The following ST6GALNAC5 variants were observed in gnomAD, a reference collection of about 807,000 sequenced individuals.
ST6GALNAC5 encodes ST6 N-acetylgalactosaminide alpha-2,6-sialyltransferase 5, also known as alpha-N-acetylgalactosaminide alpha-2,6-sialyltransferase 5.
ST6GALNAC5 carries 27 observed loss-of-function variants against 33.6 expected under a neutral mutation model. The ratio of observed to expected loss-of-function variants is 0.80; its 90% confidence interval spans 0.59 to 1.11. The LOEUF is 1.11. Among genes scored for constraint, ST6GALNAC5 ranks in the 50% least tolerant of loss-of-function variants. The pLI, the probability that ST6GALNAC5 is intolerant of heterozygous loss-of-function variation, is 0.00. For synonymous variants in ST6GALNAC5, 194 were observed against 171.2 expected (o/e 1.13, Z -1.04); for missense variants, 428 against 454.0 (o/e 0.94, Z 0.52).
At chr1:76,950,993 T>A (rs1182665797) in intron 2 of ST6GALNAC5, among the ~76,000 whole-genome samples, 2 of 150,680 alleles carry the variant, frequency 1.3e-5, no homozygotes, top group Non-Finnish European at 3.0e-5. Context: ...AAAAAAAAAA[T>A]AGAAAAGCCA....
chr1:76,903,571 AC>A (rs1272991123), intron 2 of ST6GALNAC5, among the ~76,000 whole-genome samples: 2 of 152,180 alleles, frequency 1.3e-5, no homozygotes, highest in Non-Finnish European at 2.9e-5. Flanking sequence ...GCTACAAAAA[AC>A]TTGTACACAA....
chr1:76,997,849 T>C (rs1413217486), intron 2 of ST6GALNAC5, among the ~76,000 whole-genome samples: 1 of 152,142 alleles, frequency 6.6e-6, no homozygotes, highest in African/African-American at 2.4e-5. Flanking sequence ...TTTGGCTCTG[T>C]GTTCCCACCC....
intron 2 of ST6GALNAC5, among the ~76,000 whole-genome samples, chr1:76,893,944 C>G (rs1654068155): frequency 6.6e-6 from 1 of 152,194 alleles, no homozygotes; most frequent in Non-Finnish European, 1.5e-5. Context: ...CAGGAATGAG[C>G]CACCGCGCCC....
intron 3 of ST6GALNAC5, among the ~76,000 whole-genome samples, chr1:77,049,659 C>A (rs568474033): frequency 6.6e-6 from 1 of 152,126 alleles, no homozygotes; most frequent in African/African-American, 2.4e-5. Context: ...TAAATATAAG[C>A]ATTCCTGTGG....
chr1:76,967,547 T>C lies in ST6GALNAC5; in HGVS notation c.262-76657T>C, dbSNP rs903983499. Among the ~76,000 whole-genome samples, 4 of 152,208 alleles carry C rather than the reference T, an allele frequency of 2.6e-5. No homozygotes were observed. In the East Asian group the frequency reaches 5.8e-4, roughly 22 times the overall value. ...TTCAAAAAATCAGCTCCTGAATTCA[T>C]TAATTTTTTGAAGGGTTTTTTGTGT... On this transcript the variant is annotated intron_variant, in intron 2 of 4. Transcript: ENST00000477717.
chr1:77,029,913 G>C (rs1651389813), intron 2 of ST6GALNAC5, among the ~76,000 whole-genome samples: 2 of 152,180 alleles, frequency 1.3e-5, no homozygotes, highest in South Asian at 4.1e-4. Context: ...AGCTTTTCTT[G>C]ATGACTTAGG....
chr1:76,889,639 G>C (rs528328412), intron 2 of ST6GALNAC5, among the ~76,000 whole-genome samples: 3 of 152,100 alleles, frequency 2.0e-5, no homozygotes, highest in Admixed American at 6.6e-5. Flanking sequence ...GTTTCTTTAA[G>C]TAAGTACATT....
chr1:76,977,125 G>A (rs1649042162), intron 2 of ST6GALNAC5, among the ~76,000 whole-genome samples: 1 of 151,822 alleles, frequency 6.6e-6, no homozygotes, highest in Non-Finnish European at 1.5e-5. Context: ...CTAATTTCCT[G>A]AAAGATATTT....
chr1:76,881,389 G>C (rs2100922836), intron 2 of ST6GALNAC5, among the ~76,000 whole-genome samples: 1 of 152,290 alleles, frequency 6.6e-6, no homozygotes, highest in Admixed American at 6.5e-5. Context: ...TCTCAGCATA[G>C]ACAGCCCATC....
chr1:76,946,616 A>G (rs551663110), intron 2 of ST6GALNAC5, among the ~76,000 whole-genome samples: 1 of 152,196 alleles, frequency 6.6e-6, no homozygotes, highest in South Asian at 2.1e-4. Flanking sequence ...CCCAAACCCA[A>G]ATTGCCTTAT....
At chr1:76,914,528 A>G (rs1403036980) in intron 2 of ST6GALNAC5, among the ~76,000 whole-genome samples, 3 of 152,198 alleles carry the variant, frequency 2.0e-5, no homozygotes, top group African/African-American at 7.2e-5. Flanking sequence ...GCCCTCAGAA[A>G]TAACACTGCA....
chr1:77,056,313 T>TAA (rs1652396859), intron 4 of ST6GALNAC5, among the ~76,000 whole-genome samples: 1 of 152,228 alleles, frequency 6.6e-6, no homozygotes, highest in Non-Finnish European at 1.5e-5. Flanking sequence ...GCTAAGTATT[T>TAA]AATCTCATTT....
At chr1:77,054,484 C>T (rs924418805) in intron 4 of ST6GALNAC5, among the ~76,000 whole-genome samples, 1 of 152,208 alleles carries the variant, frequency 6.6e-6, no homozygotes, top group Non-Finnish European at 1.5e-5. Flanking sequence ...ACTTTAACAA[C>T]CTCTGGTCTA....
intron 2 of ST6GALNAC5, among the ~76,000 whole-genome samples, chr1:76,959,395 C>T (rs1406096689): frequency 6.6e-6 from 1 of 152,186 alleles, no homozygotes; most frequent in Non-Finnish European, 1.5e-5. Context: ...ACATTTAACT[C>T]TTTCATTCTT....
At chr1:76,903,591 T>C (rs1646837877) in intron 2 of ST6GALNAC5, among the ~76,000 whole-genome samples, 1 of 152,200 alleles carries the variant, frequency 6.6e-6, no homozygotes, top group Non-Finnish European at 1.5e-5. Context: ...AAAGGCATTA[T>C]TCATAACAGC....
At chr1:76,878,519 T>C (rs1053881185) in intron 2 of ST6GALNAC5, among the ~76,000 whole-genome samples, 9 of 152,282 alleles carry the variant, frequency 5.9e-5, no homozygotes, top group South Asian at 2.1e-4. Context: ...AAATGTCTGA[T>C]CATTTCCCTT....
intron 2 of ST6GALNAC5, among the ~76,000 whole-genome samples, chr1:76,966,705 G>T (rs1392339049): frequency 1.3e-5 from 2 of 152,148 alleles, no homozygotes; most frequent in African/African-American, 4.8e-5. Context: ...TCCAGTTTTT[G>T]CCCATTCAGT....
Position 76,868,649 on chromosome 1 carries a change from G to T in ST6GALNAC5, c.168G>T (p.Ser56=). The T allele has an allele frequency of 3.8e-6, 6 of 1,599,578 alleles. No homozygotes were observed. The highest frequency in any genetic ancestry group is 5.1e-6 in the Non-Finnish European group (6 of 1,172,590). Residue 56 remains serine (S), a synonymous_variant, in exon 2 of 5, where the codon TCG becomes TCT. Coordinates refer to ENST00000477717, the MANE Select transcript of ST6GALNAC5 (RefSeq NM_030965.3). The surrounding 1 kb of genome is among the most constrained non-coding windows in gnomAD (Gnocchi z 4.3). ...QQQQASATGS[S]QPAAESSTQQ... is the part of the protein sequence containing the mutation. ...AGCAGGCGTCGGCCACCGGCAGCTC[G>T]CAGCCGGCGGCGGAGAGCAGCACCC...
At chr1:77,003,875 G>A (rs1650277320) in intron 2 of ST6GALNAC5, among the ~76,000 whole-genome samples, 1 of 145,146 alleles carries the variant, frequency 6.9e-6, no homozygotes, top group African/African-American at 2.6e-5. Flanking sequence ...TTAGTCTGAT[G>A]GGCTTCCCTT....
Sources: allele counts gnomAD v4.1 joint callset (sites outside exome capture counted in the v4.1 genomes callset), GRCh38; gene constraint gnomAD v4.1.1; non-coding constraint Gnocchi (gnomAD v3.1); transcripts MANE v1.5; gene names NCBI Gene and HGNC (gene_info 2026-07-23, HGNC 2026-07-21).